NUBP1: variants seen among roughly 807,000 people sequenced by gnomAD.
The protein encoded by NUBP1 is cytosolic Fe-S cluster assembly factor NUBP1.
Under a neutral mutation model 41.8 loss-of-function variants are expected in NUBP1, and 46 were observed. That is an observed-to-expected ratio of 1.10 (90% CI 0.87 to 1.41). The LOEUF is 1.41. Ranked by LOEUF, NUBP1 falls within the 40% of genes most tolerant of loss-of-function variation. The pLI is 0.00. For missense variants in NUBP1, 494 were observed against 414.0 expected (o/e 1.19, Z -1.68); for synonymous variants, 189 against 154.6 (o/e 1.22, Z -1.65).
chr16:10,743,935 C>G, intron 1 of NUBP1, 26 bp from the exon 2 acceptor site: 4 of 1,588,278 alleles, frequency 2.5e-6, no homozygotes, highest in Non-Finnish European at 3.4e-6. Flanking sequence ...GGGAGCTGCT[C>G]TAACTGTGGT....
rs72785620 is a variant in NUBP1, at chr16:10,751,641, C to T, written c.259-969C>T. 5.2e-3 allele frequency among the ~76,000 whole-genome samples: 799 copies of T among 152,238 alleles called. 5 individuals carry two copies. Among genetic ancestry groups the T allele is most frequent in the Non-Finnish European group, 8.8e-3 (598 of 68,014 alleles). On this transcript the variant is annotated intron_variant, in intron 3 of 10. Coordinates refer to ENST00000283027, the MANE Select transcript of NUBP1 (RefSeq NM_002484.4). ...CTGTTCTCAGAAGGTTCCTGAAGGC[C>T]GTCTCAGACCTCCTGTATCAGAGGG...
rs1339049874 is a variant in NUBP1, at chr16:10,761,471, C to T, written c.714C>T (p.Cys238=). 1 of 1,613,330 alleles carries T rather than the reference C, an allele frequency of 6.2e-7. No individual in the cohort carries two copies. The highest frequency in any genetic ancestry group is 8.5e-7 in the Non-Finnish European group (1 of 1,179,400). The part of the protein sequence containing the change: ...ENMSGFICPK[C]KKESQIFPPT... ...TGAGTGGCTTCATCTGTCCTAAGTG[C>T]AAGGTGAGGGCGCGTGGGGCTGCCA... The change falls in exon 8 of 11, where the codon TGC becomes TGT. Residue 238 remains cysteine (C), a synonymous_variant. Transcript: ENST00000283027.
chr16:10,763,968 ATC>A (rs1368116098), intron 9 of NUBP1: 1 of 191,716 alleles, frequency 5.2e-6, no homozygotes, highest in Admixed American at 6.5e-5. Context: ...CCACAGGAGT[ATC>A]TCAGGCCACG....
rs1410018310 is a variant in NUBP1 at position 10,759,826 on chromosome 16, T to C, written c.607-1538T>C. 6.6e-6 allele frequency among the ~76,000 whole-genome samples: 1 copy of C among 152,174 alleles called. No homozygotes were observed. The highest frequency in any genetic ancestry group is 1.5e-5 in the Non-Finnish European group (1 of 68,028). On this transcript the variant is annotated intron_variant, in intron 7 of 10. Coordinates refer to ENST00000283027, the MANE Select transcript of NUBP1 (RefSeq NM_002484.4). The surrounding 1 kb of genome is among the most constrained non-coding windows in gnomAD (Gnocchi z 4.7). The stretch of plus-strand genomic sequence containing the variant: ...ACTGAGTCGCAGCCCATTGACTTTC[T>C]AGCTGAGCGCCCCTTCCTCCGCATC...
At position 10,769,116 on chromosome 16, in the gene NUBP1, T is replaced by C. The variant is rs923003592; in HGVS notation, c.*11T>C. 1.2e-5 allele frequency: 20 copies of C among 1,613,106 alleles called. No homozygotes were observed. Among genetic ancestry groups the C allele is most frequent in the Admixed American group, 3.3e-5 (2 of 59,994 alleles). On this transcript the variant is annotated 3_prime_UTR_variant, in exon 11 of 11. Transcript: ENST00000283027. ...CTCATCAGTTCCTGAAACGAGAGAA[T>C]GTTCAGGACCAAGCAGTTACCGAGC...
chr16:10,758,024 C>G lies in NUBP1; in HGVS notation c.603C>G (p.Pro201=), dbSNP rs201474900. Residue 201 remains proline, a synonymous_variant, in exon 7 of 11, where the codon CCC becomes CCG. Coordinates refer to ENST00000283027, the MANE Select transcript of NUBP1 (RefSeq NM_002484.4). ...ATGGAGCAGTGATCATCACCACTCC[C>G]CAGGTGAGCGAGCTGCCAGCTGGAG... is the stretch of plus-strand genomic sequence containing the variant. ...HIDGAVIITT[P]QEVSLQDVRK... is the part of the protein sequence containing the mutation. The G allele has an allele frequency of 2.5e-6, 4 of 1,612,418 alleles. No homozygotes were observed. In the African/African-American group the frequency reaches 5.3e-5, roughly 21 times the overall value.
intron 5 of NUBP1, among the ~76,000 whole-genome samples, chr16:10,756,475 A>G (rs1387884497): frequency 1.3e-5 from 2 of 151,984 alleles, no homozygotes; most frequent in East Asian, 3.8e-4. Context: ...GCCCATGGAC[A>G]TACAGTGCCT....
rs1299460898 is a variant in NUBP1 at position 10,749,940 on chromosome 16, T to C, written c.258+2664T>C. On this transcript the variant is annotated intron_variant, in intron 3 of 10. Coordinates refer to ENST00000283027, the MANE Select transcript of NUBP1 (RefSeq NM_002484.4). This position sits in a 1 kb window ranked among gnomAD's most constrained non-coding sequence, Gnocchi z 4.1. ...GCCTCTGTAGCATAAGCCTGAGCCATGAGACAGCCAAGAGTCATACACTGT... is the reference window on the plus strand; with the variant it reads ...GCCTCTGTAGCATAAGCCTGAGCCACGAGACAGCCAAGAGTCATACACTGT... Among the ~76,000 whole-genome samples the C allele has an allele frequency of 6.6e-6, 1 of 152,212 alleles. No homozygotes were observed. The highest frequency in any genetic ancestry group is 2.4e-5 in the African/African-American group (1 of 41,460).
chr16:10,761,453 C>G lies in NUBP1; in HGVS notation c.696C>G (p.Gly232=). ...PIIGVVENMS[G]FICPKCKKES... ...TCGGGGTGGTGGAGAACATGAGTGG[C>G]TTCATCTGTCCTAAGTGCAAGGTGA... Residue 232 remains glycine, a synonymous_variant, in exon 8 of 11, where the codon GGC becomes GGG. Coordinates refer to ENST00000283027, the MANE Select transcript of NUBP1 (RefSeq NM_002484.4). 1 of 1,614,030 alleles carries G rather than the reference C, an allele frequency of 6.2e-7. No individual in the cohort carries two copies. Among genetic ancestry groups the G allele is most frequent in the Non-Finnish European group, 8.5e-7 (1 of 1,179,936 alleles).
chr16:10,757,792 A>G lies in NUBP1; in HGVS notation c.452-81A>G. On this transcript the variant is annotated intron_variant, in intron 6 of 10. Coordinates refer to ENST00000283027, the MANE Select transcript of NUBP1 (RefSeq NM_002484.4). This position sits in a 1 kb window ranked among gnomAD's most constrained non-coding sequence, Gnocchi z 4.1. ...AACCTGGGCAACATAGCAAGACCCC[A>G]TCCTTTAAAAAAAAAAGAGGGAGTT... 1 of 1,549,300 alleles carries G rather than the reference A, an allele frequency of 6.5e-7. No homozygotes were observed.
chr16:10,761,298 C>T (rs1190430807), intron 7 of NUBP1, 66 bp from the exon 8 acceptor site: 10 of 1,428,652 alleles, frequency 7.0e-6, no homozygotes, highest in African/African-American at 4.2e-5. Flanking sequence ...GCCATCCCCT[C>T]GGTTGCACAG....
intron 4 of NUBP1, among the ~76,000 whole-genome samples, chr16:10,753,934 G>A (rs1900438097): frequency 6.6e-6 from 1 of 152,170 alleles, no homozygotes; most frequent in Non-Finnish European, 1.5e-5. Flanking sequence ...GCACTTCTAA[G>A]GCCTTGGGGT....
At chr16:10,746,444 T>C (rs1900068233) in intron 2 of NUBP1, among the ~76,000 whole-genome samples, 1 of 152,092 alleles carries the variant, frequency 6.6e-6, no homozygotes, top group South Asian at 2.1e-4. Flanking sequence ...CCTGTGACAA[T>C]GAAAAGTGTC....
chr16:10,751,990 A>T (rs1290709976), intron 3 of NUBP1, among the ~76,000 whole-genome samples: 1 of 152,144 alleles, frequency 6.6e-6, no homozygotes, highest in Admixed American at 6.5e-5. Flanking sequence ...AGAGATAATG[A>T]TACTTACCTT....
In NUBP1 at chr16:10,769,288, G is replaced by C. The variant is rs2031355366; in HGVS notation, c.*183G>C. On this transcript the variant is annotated 3_prime_UTR_variant, in exon 11 of 11. Coordinates refer to ENST00000283027, the MANE Select transcript of NUBP1 (RefSeq NM_002484.4). ...TTGAGTATTTGTACACTTTTCTTTA[G>C]AACATATATAAAGGGCATTCTCTAC... 2 of 572,120 alleles carry C rather than the reference G, an allele frequency of 3.5e-6. No individual in the cohort carries two copies. Among genetic ancestry groups the C allele is most frequent in the East Asian group, 2.9e-5 (1 of 34,482 alleles). The allele number at this position is 572,120 out of a possible 1,614,324, so 35.4% of individuals were successfully genotyped here. A position where few individuals can be genotyped will look rare whatever the true frequency, so the allele number is the denominator to read the frequency against.
chr16:10,762,206 G>A (rs1165125511), intron 9 of NUBP1: 3 of 192,486 alleles, frequency 1.6e-5, no homozygotes, highest in South Asian at 1.3e-4. Context: ...AGAGGAAGGC[G>A]GCCTGAGGTG....
At position 10,749,858 on chromosome 16, in the gene NUBP1, C is replaced by T. The variant is rs1396188074; in HGVS notation, c.258+2582C>T. Among the ~76,000 whole-genome samples the T allele has an allele frequency of 1.3e-5, 2 of 152,154 alleles. No homozygotes were observed. The highest frequency in any genetic ancestry group is 4.8e-5 in the African/African-American group (2 of 41,424). ...AAGAGAGAGCAGAATTAGAAAACAC[C>T]CCTGACGAGTCACAGGCTGCCCAGG... On this transcript the variant is annotated intron_variant, in intron 3 of 10. Transcript: ENST00000283027. This position sits in a 1 kb window ranked among gnomAD's most constrained non-coding sequence, Gnocchi z 4.1.
At chr16:10,764,635 C>T (rs2030578718) in intron 9 of NUBP1, among the ~76,000 whole-genome samples, 1 of 151,570 alleles carries the variant, frequency 6.6e-6, no homozygotes, top group Non-Finnish European at 1.5e-5. Flanking sequence ...ATTGGAGCAT[C>T]TCAGTCTGCT....
rs777149995 is a variant in NUBP1 at position 10,749,120 on chromosome 16, G to GACACACAGAC, written c.258+1849_258+1850insCAGACACACA. Among the ~76,000 whole-genome samples the GACACACAGAC allele has an allele frequency of 3.2e-5, 3 of 92,342 alleles. No homozygotes were observed. Among genetic ancestry groups the GACACACAGAC allele is most frequent in the African/African-American group, 1.2e-4 (3 of 25,744 alleles). The allele number at this position is 92,342 out of a possible 152,430, so 60.6% of individuals were successfully genotyped here. On this transcript the variant is annotated intron_variant, in intron 3 of 10. Coordinates refer to ENST00000283027, the MANE Select transcript of NUBP1 (RefSeq NM_002484.4). This position sits in a 1 kb window ranked among gnomAD's most constrained non-coding sequence, Gnocchi z 4.1. ...AAAAAAGGATATAGATAGATACACA[G>GACACACAGAC]ACACATACACACACACACACACACA...
Sources: allele counts gnomAD v4.1 joint callset (sites outside exome capture counted in the v4.1 genomes callset), GRCh38; gene constraint gnomAD v4.1.1; non-coding constraint Gnocchi (gnomAD v3.1); transcripts MANE v1.5; gene names NCBI Gene and HGNC (gene_info 2026-07-23, HGNC 2026-07-21).